Variants in RPS3 observed in about 807,000 individuals in gnomAD.
The protein encoded by RPS3 is ribosomal protein S3.
In RPS3, 2 loss-of-function variants were observed where a neutral mutation model predicts 25.8. That is an observed-to-expected ratio of 0.08 (90% CI 0.03 to 0.24). RPS3 has a LOEUF of 0.24. Ranked by LOEUF, RPS3 falls within the 10% of genes least tolerant of loss-of-function variation. The pLI, the probability that RPS3 is intolerant of heterozygous loss-of-function variation, is 1.00. For missense variants in RPS3, 107 were observed against 307.1 expected (o/e 0.35, Z 4.87); for synonymous variants, 114 against 114.2 (o/e 1.00, Z 0.01).
In RPS3 at chr11:75,406,343, A is replaced by T. The variant is rs1171178481; in HGVS notation, c.*733A>T. The T allele has an allele frequency of 6.6e-6, 1 of 152,242 alleles. No homozygotes were observed. Among genetic ancestry groups the T allele is most frequent in the East Asian group, 1.9e-4 (1 of 5,200 alleles). The allele number at this position is 152,242 out of a possible 1,614,324, so 9.4% of individuals were successfully genotyped here. A position where few individuals can be genotyped will look rare whatever the true frequency, so the allele number is the denominator to read the frequency against. Reference sequence around the variant, plus strand: ...TTTTCAGGCAAAACTAGTGAGGGACAGGTTGGCTTGAAAATCATGAGACTG... The same window carrying T: ...TTTTCAGGCAAAACTAGTGAGGGACTGGTTGGCTTGAAAATCATGAGACTG... On this transcript the variant is annotated 3_prime_UTR_variant, in exon 7 of 7. Coordinates refer to ENST00000531188, the MANE Select transcript of RPS3 (RefSeq NM_001005.5).
chr11:75,401,092 C>T (rs1948203477), intron 2 of RPS3, among the ~76,000 whole-genome samples: 1 of 152,120 alleles, frequency 6.6e-6, no homozygotes, highest in African/African-American at 2.4e-5. Context: ...CCGTGTTAGC[C>T]AGGACGGTCT....
intron 6 of RPS3, among the ~76,000 whole-genome samples, chr11:75,417,310 A>C (rs1948407832): frequency 6.6e-6 from 1 of 152,156 alleles, no homozygotes; most frequent in Non-Finnish European, 1.5e-5. Flanking sequence ...TCTCTTAAAA[A>C]ATTTAGGCCA....
chr11:75,420,658 C>T (rs1948435402), intron 6 of RPS3, among the ~76,000 whole-genome samples: 1 of 152,006 alleles, frequency 6.6e-6, no homozygotes, highest in Non-Finnish European at 1.5e-5. Flanking sequence ...TTAGTGTAGT[C>T]AGTGGGAAGC....
chr11:75,404,579 G>A lies in RPS3; in HGVS notation c.539-93G>A. 3.2e-6 allele frequency: 4 copies of A among 1,231,536 alleles called. No individual in the cohort carries two copies. Among genetic ancestry groups the A allele is most frequent in the African/African-American group, 1.5e-5 (1 of 67,610 alleles). The allele number at this position is 1,231,536 out of a possible 1,614,324, so 76.3% of individuals were successfully genotyped here. ...TTGTCTGAGAAGGGTCCAGACCCAG[G>A]GGTGCTTGAGTAAACTGCTTGCTCT... On this transcript the variant is annotated intron_variant, in intron 5 of 6. Transcript: ENST00000531188. The surrounding 1 kb of genome is among the most constrained non-coding windows in gnomAD (Gnocchi z 4.6).
chr11:75,417,701 A>G (rs1373436187), intron 6 of RPS3, among the ~76,000 whole-genome samples: 5 of 152,192 alleles, frequency 3.3e-5, no homozygotes. Context: ...GGCAGGTAAG[A>G]AACATTGGCT....
At chr11:75,418,484 G>GA (rs910184744) in intron 6 of RPS3, among the ~76,000 whole-genome samples, 58 of 151,492 alleles carry the variant, frequency 3.8e-4, no homozygotes, top group Admixed American at 2.9e-3. Flanking sequence ...TGGTGGTAGG[G>GA]AAAAAAAAGG....
intron 2 of RPS3, 110 bp from the exon 3 acceptor site, chr11:75,401,530 A>G (rs1716429035): frequency 1.3e-6 from 1 of 793,710 alleles, no homozygotes; most frequent in South Asian, 1.7e-5. Context: ...GTTTTTGTCA[A>G]TGAAAATTAT....
At chr11:75,400,065 G>A (rs1233435555) in intron 1 of RPS3, among the ~76,000 whole-genome samples, 6 of 152,196 alleles carry the variant, frequency 3.9e-5, no homozygotes, top group Admixed American at 3.9e-4. Flanking sequence ...TTAACGCCTT[G>A]TCATTACATG....
At chr11:75,399,703 C>T in intron 1 of RPS3, 126 bp downstream of exon 1, 3 of 809,816 alleles carry the variant, frequency 3.7e-6, no homozygotes, top group Non-Finnish European at 4.0e-6. Context: ...TCCTGGCGTT[C>T]CTGCGGGCCG....
chr11:75,401,174 G>T (rs1480189484), intron 2 of RPS3, among the ~76,000 whole-genome samples: 4 of 152,162 alleles, frequency 2.6e-5, no homozygotes, highest in Admixed American at 1.3e-4. Flanking sequence ...GAGCCACCGC[G>T]CCCGGCAGGT....
At chr11:75,410,260 T>C, downstream of RPS3, among the ~76,000 whole-genome samples, 1 of 150,250 alleles carries the variant, frequency 6.7e-6, no homozygotes, top group African/African-American at 2.5e-5. Context: ...GAGGGGCTCC[T>C]CACTTCTCAG....
chr11:75,413,414 G>A (rs1948373637), intron 6 of RPS3, among the ~76,000 whole-genome samples: 1 of 151,998 alleles, frequency 6.6e-6, no homozygotes, highest in Admixed American at 6.6e-5. Flanking sequence ...CCACCACCAC[G>A]CCCAGCTAAT....
At chr11:75,420,902 C>T (rs1592035244) in intron 6 of RPS3, among the ~76,000 whole-genome samples, 3 of 152,028 alleles carry the variant, frequency 2.0e-5, no homozygotes, top group East Asian at 3.9e-4. Context: ...TGCACGAAAG[C>T]GCACTGGAGG....
chr11:75,400,384 T>A lies in RPS3; in HGVS notation c.31-310T>A, dbSNP rs767695757. ...TTCTTGTTTTGCATGTGGAACTGTT[T>A]TAAACCCTTCGATGAAGAGATGATG... On this transcript the variant is annotated intron_variant, in intron 1 of 6. Coordinates refer to ENST00000531188, the MANE Select transcript of RPS3 (RefSeq NM_001005.5). 4 of 532,800 alleles carry A rather than the reference T, an allele frequency of 7.5e-6. No homozygotes were observed. In the African/African-American group the frequency reaches 7.6e-5, roughly 10 times the overall value. The allele number at this position is 532,800 out of a possible 1,614,324, so 33.0% of individuals were successfully genotyped here.
chr11:75,403,726 T>C, intron 4 of RPS3: 1 of 275,330 alleles, frequency 3.6e-6, no homozygotes, highest in Non-Finnish European at 6.8e-6. Flanking sequence ...TTAATTGGCC[T>C]AGAGTAGGGC....
At chr11:75,410,341 A>C (rs1948340168), downstream of RPS3, among the ~76,000 whole-genome samples, 1 of 146,124 alleles carries the variant, frequency 6.8e-6, no homozygotes, top group African/African-American at 2.6e-5. Context: ...CGCTCCTCAC[A>C]TCCCAGACAG....
exon 7 of RPS3, chr11:75,421,890 A>C (rs186699305): frequency 6.6e-6 from 1 of 152,362 alleles, no homozygotes; most frequent in East Asian, 1.9e-4. Flanking sequence ...ATCTCTTTCT[A>C]AGTGGTGGGA....
chr11:75,410,272 C>T (rs1302892877), downstream of RPS3, among the ~76,000 whole-genome samples: 12 of 150,312 alleles, frequency 8.0e-5, no homozygotes, highest in African/African-American at 2.5e-4. Context: ...ACTTCTCAGA[C>T]GGGGCGGTTG....
intron 3 of RPS3, 177 bp from the exon 4 acceptor site, chr11:75,402,175 A>T: frequency 1.1e-6 from 1 of 911,642 alleles, no homozygotes. Context: ...AGCGCAAAAA[A>T]TCACGATGTT....
Sources: allele counts gnomAD v4.1 joint callset (sites outside exome capture counted in the v4.1 genomes callset), GRCh38; gene constraint gnomAD v4.1.1; non-coding constraint Gnocchi (gnomAD v3.1); transcripts MANE v1.5; gene names NCBI Gene and HGNC (gene_info 2026-07-23, HGNC 2026-07-21).